The following FMN1 variants were observed in gnomAD, a reference collection of about 807,000 sequenced individuals.
The protein encoded by FMN1 is formin-1.
Under a neutral mutation model 132.4 loss-of-function variants are expected in FMN1, and 110 were observed. The ratio of observed to expected loss-of-function variants is 0.83; its 90% CI spans 0.71 to 0.97. The LOEUF (loss-of-function observed/expected upper bound fraction) is 0.97, where lower values mean the gene tolerates loss of function less well. Among genes scored for constraint, FMN1 ranks in the 50% least tolerant of loss-of-function variants. The pLI is 0.00. For missense variants in FMN1, 1,792 were observed against 1,705.3 expected, an observed-to-expected ratio of 1.05 and a Z score of -0.90; for synonymous variants, 722 against 651.7, an observed-to-expected ratio of 1.11 and a Z score of -1.64.
chr15:33,039,612 C>T (rs992720001), intron 6 of FMN1, among the ~76,000 whole-genome samples: 3 of 152,052 alleles, frequency 2.0e-5, no homozygotes, highest in Non-Finnish European at 4.4e-5. Context: ...CCTACATCTG[C>T]CCCAGGCCAG....
At chr15:33,161,777 G>C (rs943165741) in intron 3 of FMN1, among the ~76,000 whole-genome samples, 1 of 152,056 alleles carries the variant, frequency 6.6e-6, no homozygotes, top group South Asian at 2.1e-4. Context: ...TATTAGCCAG[G>C]TGTGGTGGCG....
rs80327619 is a variant in FMN1, at chr15:32,982,704, T to G, written c.2224-13227A>C. ...CTCAATAGAACGAAAAGACTGACTC[T>G]CCCACTACTAAGAAAAAATTCCTCC... On this transcript the variant is annotated intron_variant, in intron 7 of 20. Coordinates refer to ENST00000616417, the MANE Select transcript of FMN1 (RefSeq NM_001277313.2). Among the ~76,000 whole-genome samples the G allele has an allele frequency of 9.0e-3, 1,366 of 152,152 alleles. 11 individuals carry two copies. Among genetic ancestry groups the G allele is most frequent in the Non-Finnish European group, 0.012 (834 of 67,988 alleles).
chr15:32,947,868 G>A (rs2061543590), intron 9 of FMN1, among the ~76,000 whole-genome samples: 1 of 151,744 alleles, frequency 6.6e-6, no homozygotes, highest in Non-Finnish European at 1.5e-5. Context: ...TTTTAAATTT[G>A]TCAATACAGA....
At chr15:33,079,239 C>G (rs141199763) in intron 5 of FMN1, among the ~76,000 whole-genome samples, 24 of 152,248 alleles carry the variant, frequency 1.6e-4, no homozygotes, top group Admixed American at 3.9e-4. Flanking sequence ...TGTGTGTTAT[C>G]AAGATCAAAG....
chr15:32,971,021 T>C (rs535571762), intron 7 of FMN1, among the ~76,000 whole-genome samples: 2 of 152,314 alleles, frequency 1.3e-5, no homozygotes, highest in African/African-American at 4.8e-5. Flanking sequence ...AGTGCCGAGT[T>C]TGGACTCACA....
chr15:32,776,181 G>A (rs534324508), intron 20 of FMN1, among the ~76,000 whole-genome samples: 120 of 152,314 alleles, frequency 7.9e-4, no homozygotes, highest in African/African-American at 2.8e-3. Context: ...TCTGAACCCA[G>A]GCCATTTCAT....
intron 6 of FMN1, among the ~76,000 whole-genome samples, chr15:33,019,533 GC>G (rs2035296766): frequency 6.6e-6 from 1 of 152,302 alleles, no homozygotes; most frequent in South Asian, 2.1e-4. Flanking sequence ...GGAGTAGGGG[GC>G]GGCGCTTGTC....
intron 4 of FMN1, among the ~76,000 whole-genome samples, chr15:33,124,395 C>T (rs1476535754): frequency 6.6e-6 from 1 of 152,114 alleles, no homozygotes; most frequent in East Asian, 1.9e-4. Context: ...TACATTTCAC[C>T]CCCCTTGCCA....
chr15:32,944,629 CCT>C (rs1375389769), intron 9 of FMN1, among the ~76,000 whole-genome samples: 1 of 152,024 alleles, frequency 6.6e-6, no homozygotes, highest in Non-Finnish European at 1.5e-5. Flanking sequence ...AAATTGTCAC[CCT>C]GTCTTGAGTC....
intron 4 of FMN1, among the ~76,000 whole-genome samples, chr15:33,127,286 C>T (rs184966437): frequency 3.9e-5 from 6 of 152,284 alleles, no homozygotes; most frequent in Non-Finnish European, 8.8e-5. Flanking sequence ...CAACAAGAAT[C>T]CGTCAAATAA....
intron 16 of FMN1, among the ~76,000 whole-genome samples, chr15:32,886,766 T>C (rs931611885): frequency 6.6e-6 from 1 of 152,168 alleles, no homozygotes; most frequent in Non-Finnish European, 1.5e-5. Context: ...TAACTCTTGC[T>C]GCCACACTGA....
intron 17 of FMN1, among the ~76,000 whole-genome samples, chr15:32,855,846 T>A (rs1327182687): frequency 6.6e-6 from 1 of 152,256 alleles, no homozygotes; most frequent in Non-Finnish European, 1.5e-5. Context: ...CAATGCATTT[T>A]TTGATAAGTC....
intron 16 of FMN1, among the ~76,000 whole-genome samples, chr15:32,878,043 G>A (rs1423949093): frequency 4.6e-5 from 7 of 152,184 alleles, no homozygotes; most frequent in Non-Finnish European, 8.8e-5. Flanking sequence ...ATATGTGAAA[G>A]TAATATGAAA....
chr15:33,122,169 T>G lies in FMN1; in HGVS notation c.1867+30879A>C, dbSNP rs548768888. ...CCCTTGTCCACGGAATTAAGTGCAA[T>G]GTTCTTAGGTGAAACCTAAAAGATT... On this transcript the variant is annotated intron_variant, in intron 4 of 20. Transcript: ENST00000616417. Among the ~76,000 whole-genome samples, 6 of 152,348 alleles carry G rather than the reference T, an allele frequency of 3.9e-5. 1 individual carries two copies. Among genetic ancestry groups the G allele is most frequent in the African/African-American group, 1.4e-4 (6 of 41,580 alleles).
At chr15:33,009,696 T>C (rs1281654164) in intron 6 of FMN1, among the ~76,000 whole-genome samples, 1 of 152,166 alleles carries the variant, frequency 6.6e-6, no homozygotes, top group African/African-American at 2.4e-5. Flanking sequence ...ACCATTATTG[T>C]CTCCATTACT....
At chr15:32,874,017 GTTTTT>G (rs962842419) in intron 16 of FMN1, among the ~76,000 whole-genome samples, 2 of 115,098 alleles carry the variant, frequency 1.7e-5, no homozygotes, top group African/African-American at 3.4e-5. Flanking sequence ...TATTTTAGTT[GTTTTT>G]TTTTTTTTTT....
intron 6 of FMN1, among the ~76,000 whole-genome samples, chr15:33,035,413 G>C (rs1443573294): frequency 3.3e-5 from 5 of 152,196 alleles, no homozygotes; most frequent in Non-Finnish European, 7.4e-5. Flanking sequence ...GGATGCCTTA[G>C]AGGTCCTTAG....
chr15:32,988,758 T>C (rs979882079), intron 7 of FMN1, among the ~76,000 whole-genome samples: 3 of 115,596 alleles, frequency 2.6e-5, no homozygotes, highest in Non-Finnish European at 5.4e-5. Context: ...TGTGATCATG[T>C]CACCTCCCTT....
chr15:32,864,451 C>T (rs2141335390), intron 16 of FMN1, among the ~76,000 whole-genome samples: 1 of 152,370 alleles, frequency 6.6e-6, no homozygotes, highest in East Asian at 1.9e-4. Context: ...GACAACTGTG[C>T]ATTAATGACC....
Sources: gnomAD v4.1 joint callset for allele counts (sites outside exome capture counted in the v4.1 genomes callset) on GRCh38, gnomAD v4.1.1 for gene constraint, MANE v1.5 for transcripts, NCBI Gene and HGNC (gene_info 2026-07-23, HGNC 2026-07-21) for gene names.